TRIM44: variants seen among roughly 807,000 people sequenced by gnomAD.
The protein encoded by TRIM44 is tripartite motif containing 44, also known as tripartite motif-containing protein 44.
In TRIM44, 13 loss-of-function variants were observed where a neutral mutation model predicts 37.4. The observed-to-expected ratio is 0.35, with a 90% CI of 0.23 to 0.55. The LOEUF is 0.55. Ranked by LOEUF, TRIM44 falls within the 20% of genes least tolerant of loss-of-function variation. The pLI, the probability that TRIM44 is intolerant of heterozygous loss-of-function variation, is 0.89. For synonymous variants in TRIM44, 175 were observed against 157.2 expected, an observed-to-expected ratio of 1.11 and a Z score of -0.85; for missense variants, 426 against 437.2, an observed-to-expected ratio of 0.97 and a Z score of 0.23.
Position 35,667,029 on chromosome 11 carries a change from G to A in TRIM44, c.669+3249G>A, listed in dbSNP as rs11820708. ...CCGAGTATTATGTTGAATGGATGTG[G>A]TTGGTGGGTATTCTGGCCTTGTTCC... On this transcript the variant is annotated intron_variant, in intron 1 of 4. Coordinates refer to ENST00000299413, the MANE Select transcript of TRIM44 (RefSeq NM_017583.6). Among the ~76,000 whole-genome samples, 281 of 152,262 alleles carry A rather than the reference G, an allele frequency of 1.8e-3. 2 individuals are homozygous for A. Among genetic ancestry groups the A allele is most frequent in the African/African-American group, 6.5e-3 (270 of 41,554 alleles).
chr11:35,746,446 C>CTTTTTTTTTTTTTTTTT (rs5791065), intron 4 of TRIM44, among the ~76,000 whole-genome samples: 3 of 93,200 alleles, frequency 3.2e-5, no homozygotes, highest in Non-Finnish European at 3.9e-5. Flanking sequence ...GGGGGTCCTT[C>CTTTTTTTTTTTTTTTTT]TTTTTTTTTT....
Position 35,724,823 on chromosome 11 carries a change from T to C in TRIM44, c.748-1101T>C, listed in dbSNP as rs144998151. The stretch of plus-strand genomic sequence containing the variant: ...GTGTAGGAAAATGCTTACTTTCATA[T>C]GTTGTTGTAGGAATGTAATCAATAC... On this transcript the variant is annotated intron_variant, in intron 2 of 4. Transcript: ENST00000299413. 1.9e-3 allele frequency among the ~76,000 whole-genome samples: 286 copies of C among 152,300 alleles called. 2 individuals carry two copies. Among genetic ancestry groups the C allele is most frequent in the African/African-American group, 6.6e-3 (275 of 41,562 alleles).
chr11:35,719,757 T>A (rs1278504335), intron 2 of TRIM44, among the ~76,000 whole-genome samples: 1 of 152,224 alleles, frequency 6.6e-6, no homozygotes, highest in Non-Finnish European at 1.5e-5. Flanking sequence ...ATTATTATTA[T>A]TTTTTCATGT....
intron 1 of TRIM44, among the ~76,000 whole-genome samples, chr11:35,678,017 A>G (rs1482152316): frequency 5.3e-5 from 8 of 152,180 alleles, no homozygotes; most frequent in African/African-American, 1.9e-4. Flanking sequence ...GCAAGTGTAA[A>G]AGCCCTGAGA....
intron 4 of TRIM44, among the ~76,000 whole-genome samples, chr11:35,780,203 G>A (rs1341882568): frequency 6.6e-6 from 1 of 152,146 alleles, no homozygotes; most frequent in Admixed American, 6.5e-5. Flanking sequence ...GGAAGTACAT[G>A]TGGCAGAATC....
At chr11:35,764,371 C>T (rs1280789371) in intron 4 of TRIM44, among the ~76,000 whole-genome samples, 1 of 152,192 alleles carries the variant, frequency 6.6e-6, no homozygotes, top group African/African-American at 2.4e-5. Context: ...CTTTCAACTT[C>T]TCTTTCAGGT....
Position 35,811,795 on chromosome 11 carries a change from C to G in TRIM44, c.*5410C>G, listed in dbSNP as rs1442838755. 1 of 152,194 alleles carries G rather than the reference C, an allele frequency of 6.6e-6. No homozygotes were observed. Among genetic ancestry groups the G allele is most frequent in the East Asian group, 1.9e-4 (1 of 5,200 alleles). 9.4% of individuals were successfully genotyped at this position (152,194 alleles called of 1,614,324 possible). A position where few individuals can be genotyped will look rare whatever the true frequency, so the allele number is the denominator to read the frequency against. Reference sequence around the variant, plus strand: ...CTAAATTTTCTTTTAACACATTTATCTTCATCAGACCCTTTTAGTTAGCTA... The same window carrying G: ...CTAAATTTTCTTTTAACACATTTATGTTCATCAGACCCTTTTAGTTAGCTA... On this transcript the variant is annotated 3_prime_UTR_variant, in exon 5 of 5. Transcript: ENST00000299413.
intron 4 of TRIM44, among the ~76,000 whole-genome samples, chr11:35,778,226 C>A (rs1207312546): frequency 6.6e-6 from 1 of 152,048 alleles, no homozygotes; most frequent in Non-Finnish European, 1.5e-5. Flanking sequence ...TCACTGATAC[C>A]CTTTCTTCCA....
In TRIM44 at chr11:35,813,712, CTA is replaced by C. The variant is rs1739945763; in HGVS notation, c.*7329_*7330del. On this transcript the variant is annotated 3_prime_UTR_variant, in exon 5 of 5. Transcript: ENST00000299413. ...ACCCTGTGCACCATACATAAAAAAA[CTA>C]TGCTTAGAAGACAAAAATATGTATA... 6.6e-6 allele frequency: 1 copy of C among 151,774 alleles called. No homozygotes were observed. Among genetic ancestry groups the C allele is most frequent in the Non-Finnish European group, 1.5e-5 (1 of 67,942 alleles). The allele number at this position is 151,774 out of a possible 1,614,324, so 9.4% of individuals were successfully genotyped here. A position where few individuals can be genotyped will look rare whatever the true frequency, so the allele number is the denominator to read the frequency against.
chr11:35,769,341 T>C (rs1852836806), intron 4 of TRIM44, among the ~76,000 whole-genome samples: 1 of 152,218 alleles, frequency 6.6e-6, no homozygotes, highest in African/African-American at 2.4e-5. Context: ...TGTAAATAGG[T>C]CTGTTTGACA....
At chr11:35,715,429 TGG>T (rs1402640984) in intron 2 of TRIM44, among the ~76,000 whole-genome samples, 6 of 149,056 alleles carry the variant, frequency 4.0e-5, no homozygotes, top group East Asian at 2.0e-4. Context: ...TGTGTGTGTG[TGG>T]GTGTGGGTGT....
intron 1 of TRIM44, among the ~76,000 whole-genome samples, chr11:35,684,818 T>G (rs1367804627): frequency 2.6e-5 from 4 of 152,222 alleles, no homozygotes; most frequent in Admixed American, 6.5e-5. Context: ...TACAGTTCCA[T>G]TCATAATTAA....
At chr11:35,760,331 A>T (rs568793887) in intron 4 of TRIM44, among the ~76,000 whole-genome samples, 4 of 152,206 alleles carry the variant, frequency 2.6e-5, no homozygotes, top group African/African-American at 9.7e-5. Flanking sequence ...GCCATTTGCT[A>T]AGACCGTTGG....
Position 35,738,097 on chromosome 11 carries a change from C to T in TRIM44, c.1007+2652C>T, listed in dbSNP as rs150262485. On this transcript the variant is annotated intron_variant, in intron 4 of 4. Coordinates refer to ENST00000299413, the MANE Select transcript of TRIM44 (RefSeq NM_017583.6). ...TCCCAGAAAAAGAGTTCAAACAAGA[C>T]CATGATAAAGAAAATACCTTGGCAG... 5.9e-5 allele frequency among the ~76,000 whole-genome samples: 9 copies of T among 152,254 alleles called. No individual in the cohort carries two copies. The East Asian group carries it at 1.5e-3, about 26-fold the overall frequency.
intron 4 of TRIM44, among the ~76,000 whole-genome samples, chr11:35,768,598 A>G (rs1014880205): frequency 1.3e-5 from 2 of 152,230 alleles, no homozygotes; most frequent in African/African-American, 2.4e-5. Flanking sequence ...CATTATTTCA[A>G]AAACTTTAAT....
chr11:35,779,126 ACTCAAGC>A (rs2133870723), intron 4 of TRIM44, among the ~76,000 whole-genome samples: 1 of 152,106 alleles, frequency 6.6e-6, no homozygotes, highest in South Asian at 2.1e-4. Context: ...TTTGTTTGCC[ACTCAAGC>A]CTCAGCAAGT....
At chr11:35,681,952 CTT>C (rs35760830) in intron 1 of TRIM44, among the ~76,000 whole-genome samples, 2,816 of 101,314 alleles carry the variant, frequency 0.028, 37 homozygotes, top group African/African-American at 0.081. Flanking sequence ...ATGTCCCATA[CTT>C]TTTTTTTTTT....
chr11:35,746,019 C>A (rs1272163879), intron 4 of TRIM44, among the ~76,000 whole-genome samples: 2 of 152,106 alleles, frequency 1.3e-5, no homozygotes, highest in Non-Finnish European at 2.9e-5. Context: ...AGAAAAGCAA[C>A]ATTGAAGCAC....
At chr11:35,675,735 TG>T (rs1329620944) in intron 1 of TRIM44, among the ~76,000 whole-genome samples, 1 of 152,160 alleles carries the variant, frequency 6.6e-6, no homozygotes, top group Non-Finnish European at 1.5e-5. Context: ...TTGGCCAGGA[TG>T]GTCTCGATCT....
Sources: allele counts gnomAD v4.1 joint callset (sites outside exome capture counted in the v4.1 genomes callset), GRCh38; gene constraint gnomAD v4.1.1; transcripts MANE v1.5; gene names NCBI Gene and HGNC (gene_info 2026-07-23, HGNC 2026-07-21).